HECTD3: variants seen among roughly 807,000 people sequenced by gnomAD.
HECTD3 encodes the protein HECT domain E3 ubiquitin protein ligase 3, also known as E3 ubiquitin-protein ligase HECTD3.
A neutral mutation model predicts 109.3 loss-of-function variants in HECTD3; 72 were observed. That is an observed-to-expected ratio of 0.66 (90% CI 0.54 to 0.80). The LOEUF (loss-of-function observed/expected upper bound fraction) is 0.80. Ranked by LOEUF, HECTD3 falls within the 30% of genes least tolerant of loss-of-function variation. The pLI, the probability that HECTD3 is intolerant of heterozygous loss-of-function variation, is 0.00. For missense variants in HECTD3, 1,041 were observed against 1,165.2 expected (o/e 0.89, Z 1.55); for synonymous variants, 481 against 471.8 (o/e 1.02, Z -0.25).
Position 45,008,305 on chromosome 1 carries a change from C to T in HECTD3, c.1255G>A (p.Asp419Asn), listed in dbSNP as rs763371189. 19 of 1,613,902 alleles carry T rather than the reference C, an allele frequency of 1.2e-5. No individual in the cohort carries two copies. The highest frequency in any genetic ancestry group is 8.8e-5 in the South Asian group (8 of 91,086). ...VLLQRFIKIL[D>N]SVLHHLVPAW... is the part of the protein sequence containing the mutation. ...GGTACCAGGTGGTGCAGGACACTAT[C>T]GAGGATCTTGATGAATCTGGCATGG... The change falls in exon 9 of 21, where the codon GAT becomes AAT. Residue 419 changes from aspartate (D) to asparagine (N), a missense_variant. Asp to Asn is a conservative substitution (Grantham distance 23, BLOSUM62 1). Coordinates refer to ENST00000372172, the MANE Select transcript of HECTD3 (RefSeq NM_024602.6).
rs1187739914 is a variant in HECTD3 at position 45,008,272 on chromosome 1, C to T, written c.1288G>A (p.Asp430Asn). Reference sequence around the variant, plus strand: ...TCACTGAAGGTGCCCAGTGTGTGGTCCCAGGCAGGTACCAGGTGGTGCAGG... The same window carrying T: ...TCACTGAAGGTGCCCAGTGTGTGGTTCCAGGCAGGTACCAGGTGGTGCAGG... ...SVLHHLVPAWDHTLGTFSEIK... is the reference protein window; with the variant it reads ...SVLHHLVPAWNHTLGTFSEIK... Residue 430 changes from aspartate to asparagine, a missense_variant, in exon 9 of 21, where the codon GAC (aspartate) becomes AAC (asparagine). By Grantham distance (23) the Asp-to-Asn change is conservative. This residue lies in a region of HECTD3 where 569 missense variants were observed against 715.3 expected (regional missense o/e 0.80). Transcript: ENST00000372172. 3 of 1,613,974 alleles carry T rather than the reference C, an allele frequency of 1.9e-6. No homozygotes were observed. Among genetic ancestry groups the T allele is most frequent in the East Asian group, 2.2e-5 (1 of 44,894 alleles).
At chr1:45,004,551 G>C in intron 16 of HECTD3, 49 bp downstream of exon 16, 2 of 1,607,246 alleles carry the variant, frequency 1.2e-6, no homozygotes, top group Non-Finnish European at 1.7e-6. Context: ...CAGGAGCTGG[G>C]GCTCAGGAGG....
chr1:45,006,366 C>T lies in HECTD3; in HGVS notation c.1726-250G>A, dbSNP rs1013812373. The T allele has an allele frequency of 1.8e-5, 9 of 491,286 alleles. No individual in the cohort carries two copies. The highest frequency in any genetic ancestry group is 1.2e-4 in the African/African-American group (6 of 50,712). The allele number at this position is 491,286 out of a possible 1,614,324, so 30.4% of individuals were successfully genotyped here. A position where few individuals can be genotyped will look rare whatever the true frequency, so the allele number is the denominator to read the frequency against. On this transcript the variant is annotated intron_variant, in intron 13 of 20. Coordinates refer to ENST00000372172, the MANE Select transcript of HECTD3 (RefSeq NM_024602.6). The surrounding 1 kb of genome is among the most constrained non-coding windows in gnomAD (Gnocchi z 4.7). ...TGTCACCCAGGCTGGAGTGCAGTGG[C>T]GTGATCTCGGCTCACTGCAACCTCC...
chr1:45,004,876 G>C, intron 15 of HECTD3, 70 bp from the exon 16 acceptor site: 2 of 1,405,446 alleles, frequency 1.4e-6, no homozygotes, highest in African/African-American at 2.8e-5. Context: ...TCCACAAGAT[G>C]CTCACAGGGA....
chr1:45,004,710 G>A lies in HECTD3; in HGVS notation c.2032C>T (p.Gln678Ter). The change falls in exon 16 of 21, where the codon CAG (glutamine) becomes TAG (stop). Residue 678 changes from glutamine (Q) to a stop codon, truncating the protein, a stop_gained. Coordinates refer to ENST00000372172, the MANE Select transcript of HECTD3 (RefSeq NM_024602.6). LOFTEE classifies it high-confidence loss of function. ...LTFTTVLSDQ[Q>*]VVELIPGGAG... ...CCCCCAGGGATCAGCTCCACCACCT[G>A]TTGGTCACTCAGTACAGTGGTGAAT... 3 of 1,614,210 alleles carry A rather than the reference G, an allele frequency of 1.9e-6. No homozygotes were observed. The highest frequency in any genetic ancestry group is 2.5e-6 in the Non-Finnish European group (3 of 1,180,014).
In HECTD3 at chr1:45,007,593, T is replaced by C; in HGVS notation, c.1323A>G (p.Gln441=). The C allele has an allele frequency of 6.2e-7, 1 of 1,608,214 alleles. No individual in the cohort carries two copies. Among genetic ancestry groups the C allele is most frequent in the Non-Finnish European group, 8.5e-7 (1 of 1,179,790 alleles). Residue 441 remains glutamine, a splice_region_variant and synonymous_variant, in exon 10 of 21, where the codon CAA becomes CAG. Coordinates refer to ENST00000372172, the MANE Select transcript of HECTD3 (RefSeq NM_024602.6). ...GGGACAGCAGTAGGAACTGCTTCACTTGCTAGTGAGGAGAGGTGGCCAGAG... is the reference window on the plus strand; with the variant it reads ...GGGACAGCAGTAGGAACTGCTTCACCTGCTAGTGAGGAGAGGTGGCCAGAG... The part of the protein sequence containing the change: ...HTLGTFSEIK[Q]VKQFLLLSRQ...
rs1644735316 is a variant in HECTD3 at position 45,006,376 on chromosome 1, G to A, written c.1726-260C>T. On this transcript the variant is annotated intron_variant, in intron 13 of 20. Transcript: ENST00000372172. The surrounding 1 kb of genome is among the most constrained non-coding windows in gnomAD (Gnocchi z 4.7). Reference sequence around the variant, plus strand: ...GCTGGAGTGCAGTGGCGTGATCTCGGCTCACTGCAACCTCCGTCTCCTGGG... The same window carrying A: ...GCTGGAGTGCAGTGGCGTGATCTCGACTCACTGCAACCTCCGTCTCCTGGG... 6.6e-6 allele frequency among the ~76,000 whole-genome samples: 1 copy of A among 151,460 alleles called. No individual in the cohort carries two copies. The highest frequency in any genetic ancestry group is 1.5e-5 in the Non-Finnish European group (1 of 67,894).
intron 6 of HECTD3, 50 bp downstream of exon 6, chr1:45,009,319 G>T: frequency 6.4e-7 from 1 of 1,553,722 alleles, no homozygotes; most frequent in Non-Finnish European, 8.9e-7. Context: ...TTTCAAGCTG[G>T]GCTAGGCTTG....
chr1:45,010,941 G>A lies in HECTD3; in HGVS notation c.317C>T (p.Thr106Ile). ...GCCATTGCACAGCTCCTCGCCCGTG[G>A]TGCGCACGCAGGCGCCGCGCCGGAG... ...IELRRGACVR[T>I]TGEELCNGHG... The change falls in exon 1 of 21, where the codon ACC becomes ATC. Residue 106 changes from threonine (T) to isoleucine (I), a missense_variant. This residue lies in a region of HECTD3 where 472 missense variants were observed against 449.9 expected (regional missense o/e 1.05). Transcript: ENST00000372172. 6.5e-7 allele frequency: 1 copy of A among 1,540,202 alleles called. No individual in the cohort carries two copies. Among genetic ancestry groups the A allele is most frequent in the Non-Finnish European group, 8.6e-7 (1 of 1,156,272 alleles).
chr1:45,010,263 T>G lies in HECTD3; in HGVS notation c.561A>C (p.Ser187=), dbSNP rs767140463. 1.2e-6 allele frequency: 2 copies of G among 1,613,816 alleles called. No individual in the cohort carries two copies. Among genetic ancestry groups the G allele is most frequent in the East Asian group, 2.2e-5 (1 of 44,882 alleles). ...GCTGAGGTCTCGATCCCAGGCGATG[T>G]GAGTATGTCAGGTCCACCACCTGTT... ...RWEQVVDLTY[S]HRLGSRPQPA... The change falls in exon 3 of 21, where the codon TCA becomes TCC. Residue 187 remains serine (S), a synonymous_variant. Coordinates refer to ENST00000372172, the MANE Select transcript of HECTD3 (RefSeq NM_024602.6).
At position 45,003,895 on chromosome 1, in the gene HECTD3, G is replaced by T; in HGVS notation, c.2389C>A (p.Arg797Ser). 1 of 1,613,438 alleles carries T rather than the reference G, an allele frequency of 6.2e-7. No individual in the cohort carries two copies. Among genetic ancestry groups the T allele is most frequent in the South Asian group, 1.1e-5 (1 of 90,956 alleles). Residue 797 changes from arginine (R) to serine (S), a missense_variant, in exon 19 of 21, where the codon CGC (arginine) becomes AGC (serine). Physicochemically the swap from Arg to Ser is moderately radical, Grantham distance 110. This residue lies in a region of HECTD3 where 569 missense variants were observed against 715.3 expected (regional missense o/e 0.80). Transcript: ENST00000372172. This position sits in a 1 kb window ranked among gnomAD's most constrained non-coding sequence, Gnocchi z 4.7. The part of the protein sequence containing the change: ...RFLRFVTGRS[R>S]LPARIYIYPD... ...TAGATGTAGATCCGTGCTGGCAGGC[G>T]ACTGCGGCCCGTGACAAAGCGCAGG...
intron 2 of HECTD3, 68 bp downstream of exon 2, chr1:45,010,478 C>A: frequency 1.3e-6 from 2 of 1,592,510 alleles, no homozygotes; most frequent in South Asian, 2.2e-5. Flanking sequence ...CAGGCTGTGG[C>A]TGAAGTGTTC....
In HECTD3 at chr1:45,005,837, T is replaced by A. The variant is rs1410454184; in HGVS notation, c.1892A>T (p.Glu631Val). 6.2e-7 allele frequency: 1 copy of A among 1,608,830 alleles called. No homozygotes were observed. Among genetic ancestry groups the A allele is most frequent in the Non-Finnish European group, 8.5e-7 (1 of 1,177,202 alleles). ...TGGGAAGTCCTTGCTCCAGCTCACC[T>A]CCTCACCAGAAAGCTGCTTCCACAC... ...GFVWKQLSGE[E>V]VSWSKDFPAV... Residue 631 changes from glutamate to valine, a missense_variant, in exon 15 of 21, where the codon GAG becomes GTG. Coordinates refer to ENST00000372172, the MANE Select transcript of HECTD3 (RefSeq NM_024602.6).
Position 45,003,740 on chromosome 1 carries a change from G to T in HECTD3, c.2430C>A (p.Gly810=). The change falls in exon 20 of 21, where the codon GGC becomes GGA. Residue 810 remains glycine, a splice_region_variant and synonymous_variant. Coordinates refer to ENST00000372172, the MANE Select transcript of HECTD3 (RefSeq NM_024602.6). The surrounding 1 kb of genome is among the most constrained non-coding windows in gnomAD (Gnocchi z 4.7). ...CGGGCAGCGCGTCTGTGGTCTCGTA[G>T]CTGGGGGCATTGAGGGACCATAGGT... is the stretch of plus-strand genomic sequence containing the variant. ...ARIYIYPDKL[G]YETTDALPES... The T allele has an allele frequency of 1.2e-6, 2 of 1,614,034 alleles. No individual in the cohort carries two copies. The highest frequency in any genetic ancestry group is 2.2e-5 in the South Asian group (2 of 91,068).
Position 45,006,297 on chromosome 1 carries a change from G to C in HECTD3, c.1726-181C>G. The C allele has an allele frequency of 1.6e-6, 1 of 615,174 alleles. No individual in the cohort carries two copies. Among genetic ancestry groups the C allele is most frequent in the Non-Finnish European group, 2.7e-6 (1 of 371,616 alleles). 38.1% of individuals were successfully genotyped at this position (615,174 alleles called of 1,614,324 possible). A position where few individuals can be genotyped will look rare whatever the true frequency, so the allele number is the denominator to read the frequency against. ...CCCTGAGCAACTCAGTCCCTCCTCT[G>C]CCCTATTTCTATTTTTTTTTTTTTT... On this transcript the variant is annotated intron_variant, in intron 13 of 20. Coordinates refer to ENST00000372172, the MANE Select transcript of HECTD3 (RefSeq NM_024602.6). This position sits in a 1 kb window ranked among gnomAD's most constrained non-coding sequence, Gnocchi z 4.7.
At chr1:45,009,818 G>A (rs1247956843) in intron 4 of HECTD3, 135 bp from the exon 5 acceptor site, 2 of 1,046,114 alleles carry the variant, frequency 1.9e-6, no homozygotes, top group Non-Finnish European at 1.4e-6. Flanking sequence ...ATAGGGGGCC[G>A]CTGGGTATGT....
At position 45,008,330 on chromosome 1, in the gene HECTD3, G is replaced by A. The variant is rs2148978097; in HGVS notation, c.1239-9C>T. On this transcript the variant is annotated splice_polypyrimidine_tract_variant and intron_variant, in intron 8 of 20. Coordinates refer to ENST00000372172, the MANE Select transcript of HECTD3 (RefSeq NM_024602.6). ...CGAGGATCTTGATGAATCTGGCATG[G>A]GTAGATAGACTGCAGCTAAAGAGTT... 1.2e-6 allele frequency: 2 copies of A among 1,611,342 alleles called. No individual in the cohort carries two copies. Among genetic ancestry groups the A allele is most frequent in the African/African-American group, 1.3e-5 (1 of 74,954 alleles).
chr1:45,009,542 C>T (rs1644765683), intron 5 of HECTD3, 26 bp downstream of exon 5: 3 of 1,607,654 alleles, frequency 1.9e-6, no homozygotes, highest in African/African-American at 1.3e-5. Context: ...AGCCCACCCA[C>T]CCTGTCCTGC....
At chr1:45,008,792 T>C in intron 7 of HECTD3, 91 bp from the exon 8 acceptor site, 1 of 1,243,312 alleles carries the variant, frequency 8.0e-7, no homozygotes, top group Middle Eastern at 2.7e-4. Context: ...CGCTCAGCCT[T>C]GTGTCACCGT....
Sources: allele counts gnomAD v4.1 joint callset (sites outside exome capture counted in the v4.1 genomes callset), GRCh38; gene constraint gnomAD v4.1.1; regional missense constraint gnomAD v4.1.1; non-coding constraint Gnocchi (gnomAD v3.1); transcripts MANE v1.5; gene names NCBI Gene and HGNC (gene_info 2026-07-23, HGNC 2026-07-21).